KSR2: variants seen among roughly 807,000 people sequenced by gnomAD.
The protein encoded by KSR2 is kinase suppressor of ras 2.
Under a neutral mutation model 107.8 loss-of-function variants are expected in KSR2, and 25 were observed. The ratio of observed to expected loss-of-function variants is 0.23; its 90% CI spans 0.17 to 0.32. KSR2 has a LOEUF of 0.32. Among genes scored for constraint, KSR2 ranks in the 10% least tolerant of loss-of-function variants. KSR2 has a pLI of 1.00. For synonymous variants in KSR2, 480 were observed against 507.0 expected (o/e 0.95, Z 0.71); for missense variants, 887 against 1,268.9 (o/e 0.70, Z 4.57).
intron 16 of KSR2, among the ~76,000 whole-genome samples, chr12:117,478,078 C>G (rs150444997): frequency 6.6e-6 from 1 of 152,016 alleles, no homozygotes; most frequent in Non-Finnish European, 1.5e-5. Flanking sequence ...GAGCAGTCAG[C>G]GGGAGAGGGG....
chr12:117,586,243 G>A (rs959016136), intron 5 of KSR2, among the ~76,000 whole-genome samples: 5 of 151,968 alleles, frequency 3.3e-5, no homozygotes, highest in African/African-American at 1.2e-4. Flanking sequence ...GTAAAAATGG[G>A]TGACGATAAA....
intron 1 of KSR2, among the ~76,000 whole-genome samples, chr12:117,925,438 T>C (rs147653396): frequency 2.8e-4 from 43 of 152,354 alleles, no homozygotes; most frequent in African/African-American, 8.9e-4. Flanking sequence ...TTTTCTTTTA[T>C]ATTTAAATTT....
chr12:117,542,190 C>T (rs1876544166), intron 9 of KSR2, among the ~76,000 whole-genome samples: 1 of 152,088 alleles, frequency 6.6e-6, no homozygotes, highest in Non-Finnish European at 1.5e-5. Flanking sequence ...ATGCGGTCGG[C>T]CTCCTTATCC....
At position 117,761,102 on chromosome 12, in the gene KSR2, T is replaced by C. The variant is rs1162767579; in HGVS notation, c.895A>G (p.Ile299Val). The C allele has an allele frequency of 6.2e-7, 1 of 1,613,462 alleles. No individual in the cohort carries two copies. ...GTPPPSSRKL[I>V]HLIPGFTALH... The stretch of plus-strand genomic sequence containing the variant: ...GCGGTGAATCCCGGGATCAAGTGTA[T>C]CAGTTTTCGGGAGGAGGGCGGTGGG... The change falls in exon 4 of 20, where the codon ATA (isoleucine) becomes GTA (valine). Residue 299 changes from isoleucine to valine, a missense_variant. Physicochemically the swap from Ile to Val is conservative, Grantham distance 29 (BLOSUM62 3). Coordinates refer to ENST00000339824, the MANE Select transcript of KSR2 (RefSeq NM_173598.6).
chr12:117,526,385 T>A (rs1041643861), intron 13 of KSR2, among the ~76,000 whole-genome samples: 2 of 152,188 alleles, frequency 1.3e-5, no homozygotes, highest in Non-Finnish European at 2.9e-5. Flanking sequence ...TGGGACCTGA[T>A]GAAACAGCCT....
At chr12:117,542,763 G>A (rs1202903443) in intron 9 of KSR2, among the ~76,000 whole-genome samples, 2 of 152,168 alleles carry the variant, frequency 1.3e-5, no homozygotes, top group African/African-American at 4.8e-5. Context: ...AAGTAGCTGG[G>A]ATTAGAGATG....
chr12:117,474,667 A>T, intron 17 of KSR2, among the ~76,000 whole-genome samples: 1 of 152,148 alleles, frequency 6.6e-6, no homozygotes, highest in East Asian at 1.9e-4. Flanking sequence ...TCTTCCCTGC[A>T]TCCTGGCGCT....
Position 117,761,201 on chromosome 12 carries a change from T to C in KSR2, c.796A>G (p.Asn266Asp). ...HAVRTPPRTP[N>D]IVTTVTPPGT... ...GGCGGGGTCACGGTGGTGACGATGT[T>C]GGGGGTGCGCGGCGGGGTGCGGACC... The change falls in exon 4 of 20, where the codon AAC becomes GAC. Residue 266 changes from asparagine (N) to aspartate (D), a missense_variant. Asn to Asp is a conservative substitution (Grantham distance 23). Around this residue, in one of 8 missense-constraint regions of KSR2, gnomAD observed 399 missense variants for 479.5 expected, o/e 0.83. Transcript: ENST00000339824. The C allele has an allele frequency of 5.1e-6, 8 of 1,579,330 alleles. No homozygotes were observed. The South Asian group carries it at 5.8e-5, about 11-fold the overall frequency.
At chr12:117,579,902 A>G (rs1879539369) in intron 6 of KSR2, among the ~76,000 whole-genome samples, 1 of 152,068 alleles carries the variant, frequency 6.6e-6, no homozygotes, top group East Asian at 1.9e-4. Context: ...GGTGCATTCG[A>G]TTAACTCCCT....
intron 5 of KSR2, among the ~76,000 whole-genome samples, chr12:117,652,241 C>T (rs1419503478): frequency 6.6e-6 from 1 of 152,082 alleles, no homozygotes; most frequent in Non-Finnish European, 1.5e-5. Flanking sequence ...GCATCAAAAT[C>T]TCACAAATCA....
At chr12:117,756,234 T>C (rs12313809) in intron 4 of KSR2, among the ~76,000 whole-genome samples, 2 of 152,148 alleles carry the variant, frequency 1.3e-5, no homozygotes, top group Non-Finnish European at 2.9e-5. Context: ...TATTCAACGA[T>C]GCCATCTAGG....
At chr12:117,787,403 C>A (rs955394118) in intron 3 of KSR2, among the ~76,000 whole-genome samples, 1 of 152,118 alleles carries the variant, frequency 6.6e-6, no homozygotes, top group Non-Finnish European at 1.5e-5. Context: ...GAGGCCACGG[C>A]GGGCGGATCA....
At chr12:117,544,722 C>A (rs190782610) in intron 9 of KSR2, among the ~76,000 whole-genome samples, 196 of 151,930 alleles carry the variant, frequency 1.3e-3, no homozygotes, top group African/African-American at 4.5e-3. Flanking sequence ...AAAATATATT[C>A]TTTGGGATTT....
chr12:117,546,597 C>T (rs952678533), intron 9 of KSR2, among the ~76,000 whole-genome samples: 2 of 152,150 alleles, frequency 1.3e-5, no homozygotes, highest in African/African-American at 4.8e-5. Context: ...TCCAGGACAC[C>T]GATGACACCA....
chr12:117,455,545 C>T lies in KSR2; in HGVS notation c.*11654G>A, dbSNP rs1870576145. On this transcript the variant is annotated 3_prime_UTR_variant, in exon 20 of 20. Transcript: ENST00000339824. ...GGGCCTCGGGACCCTACTGGAACTC[C>T]TCCCTCTCTTCATCGGACTCCTAGT... is the stretch of plus-strand genomic sequence containing the variant. The T allele has an allele frequency of 6.6e-6, 1 of 152,168 alleles. No individual in the cohort carries two copies. The highest frequency in any genetic ancestry group is 6.5e-5 in the Admixed American group (1 of 15,274). The allele number at this position is 152,168 out of a possible 1,614,324, so 9.4% of individuals were successfully genotyped here.
chr12:117,945,538 C>T (rs757188467), intron 1 of KSR2, among the ~76,000 whole-genome samples: 3 of 151,896 alleles, frequency 2.0e-5, no homozygotes, highest in African/African-American at 2.4e-5. Context: ...GACGTGGTGG[C>T]GGGTGTCTAT....
At chr12:117,918,994 G>T (rs1203108947) in intron 1 of KSR2, among the ~76,000 whole-genome samples, 2 of 152,014 alleles carry the variant, frequency 1.3e-5, no homozygotes, top group Admixed American at 1.3e-4. Flanking sequence ...AATTAGCTGG[G>T]TGTGGTGGTG....
chr12:117,574,377 C>T (rs1046621770), intron 7 of KSR2, among the ~76,000 whole-genome samples: 2 of 151,956 alleles, frequency 1.3e-5, no homozygotes, highest in Admixed American at 6.6e-5. Flanking sequence ...TTCATGCTGC[C>T]GATAAAGACA....
At chr12:117,928,764 A>G (rs1018099554) in intron 1 of KSR2, among the ~76,000 whole-genome samples, 2 of 152,188 alleles carry the variant, frequency 1.3e-5, no homozygotes, top group East Asian at 3.8e-4. Context: ...GGAAACCAAT[A>G]TTTGTTGAAT....
Sources: allele counts gnomAD v4.1 joint callset (sites outside exome capture counted in the v4.1 genomes callset), GRCh38; gene constraint gnomAD v4.1.1; regional missense constraint gnomAD v4.1.1; transcripts MANE v1.5; gene names NCBI Gene and HGNC (gene_info 2026-07-23, HGNC 2026-07-21).